Variants in DAB2IP observed in about 807,000 individuals in gnomAD.
DAB2IP encodes the protein DAB2 interacting protein.
Under a neutral mutation model 107.2 loss-of-function variants are expected in DAB2IP, and 28 were observed. That is an observed-to-expected ratio of 0.26 (90% CI 0.19 to 0.36). DAB2IP has a LOEUF of 0.36. Ranked by LOEUF, DAB2IP falls within the 10% of genes least tolerant of loss-of-function variation. The probability of loss-of-function intolerance (pLI) is 1.00; values close to 1 mark genes in which losing one functional copy is unlikely to be tolerated. For missense variants in DAB2IP, 1,400 were observed against 1,644.7 expected (o/e 0.85, Z 2.57); for synonymous variants, 755 against 706.4 (o/e 1.07, Z -1.09).
At chr9:121,670,217 A>G (rs1191771763) in intron 1 of DAB2IP, among the ~76,000 whole-genome samples, 1 of 152,246 alleles carries the variant, frequency 6.6e-6, no homozygotes, top group Non-Finnish European at 1.5e-5. Context: ...CATAATGCCC[A>G]GGAGATCCAT....
chr9:121,763,217 T>G (rs1486086983), intron 6 of DAB2IP, among the ~76,000 whole-genome samples: 2 of 152,110 alleles, frequency 1.3e-5, no homozygotes, highest in African/African-American at 2.4e-5. Flanking sequence ...TCTGTGGTGG[T>G]GGGGGCTTGT....
At chr9:121,584,936 C>A (rs1173079114) in intron 1 of DAB2IP, among the ~76,000 whole-genome samples, 1 of 152,050 alleles carries the variant, frequency 6.6e-6, no homozygotes, top group African/African-American at 2.4e-5. Flanking sequence ...CTGCATTTCC[C>A]CAGCTGGAGT....
rs1411975765 is a variant in DAB2IP, at chr9:121,625,512, C to T, written c.41-53166C>T. 2.6e-5 allele frequency among the ~76,000 whole-genome samples: 4 copies of T among 152,210 alleles called. No homozygotes were observed. The East Asian group carries it at 7.7e-4, about 29-fold the overall frequency. On this transcript the variant is annotated intron_variant, in intron 1 of 16. Coordinates refer to the DAB2IP transcript ENST00000259371. ...TCGGACCTCAGGTGATCTGCCTGCC[C>T]CGGCCTCCCAGAGTGCTGGGATTAT...
chr9:121,747,364 CT>C (rs1190296666), intron 3 of DAB2IP, among the ~76,000 whole-genome samples: 4 of 142,466 alleles, frequency 2.8e-5, no homozygotes, highest in Non-Finnish European at 5.9e-5. Flanking sequence ...TTTTTTTCCC[CT>C]GAGACAGAGT....
chr9:121,699,297 C>T lies in DAB2IP; in HGVS notation c.229-28C>T. 7.2e-7 allele frequency: 1 copy of T among 1,392,728 alleles called. No homozygotes were observed. The highest frequency in any genetic ancestry group is 1.5e-5 in the South Asian group (1 of 68,664). The allele number at this position is 1,392,728 out of a possible 1,614,324, so 86.3% of individuals were successfully genotyped here. The stretch of plus-strand genomic sequence containing the variant: ...CGCCGCCGCGCTAACCCCGCCTCCC[C>T]TTCCCCCTCTTGTCCCCCCGTGCGC... On this transcript the variant is annotated intron_variant, in intron 2 of 15. Coordinates refer to ENST00000408936, the Ensembl canonical transcript of DAB2IP. This position sits in a 1 kb window ranked among gnomAD's most constrained non-coding sequence, Gnocchi z 6.2.
At chr9:121,601,900 G>C (rs1055255942) in intron 1 of DAB2IP, among the ~76,000 whole-genome samples, 1 of 151,764 alleles carries the variant, frequency 6.6e-6, no homozygotes, top group Admixed American at 6.6e-5. Context: ...GTGTGTGTGT[G>C]TGTGTGCGCG....
At chr9:121,767,952 A>G (rs567678467) in intron 9 of DAB2IP, among the ~76,000 whole-genome samples, 1 of 152,088 alleles carries the variant, frequency 6.6e-6, no homozygotes, top group Non-Finnish European at 1.5e-5. Flanking sequence ...CTGTATGGGT[A>G]GTGGGGTCTC....
intron 3 of DAB2IP, among the ~76,000 whole-genome samples, chr9:121,746,336 CCTGTTTTCCAGATGAGAAAA>C (rs1380606097): frequency 6.6e-6 from 1 of 152,124 alleles, no homozygotes; most frequent in Non-Finnish European, 1.5e-5. Flanking sequence ...TGGTGGTGTC[CCTGTTTTCCAGATGAGAAAA>C]CTGAGGCACA....
chr9:121,773,557 C>G (rs1834938050), intron 12 of DAB2IP, 62 bp downstream of exon 12: 1 of 1,380,922 alleles, frequency 7.2e-7, no homozygotes, highest in Non-Finnish European at 9.4e-7. Flanking sequence ...CTGTCATACC[C>G]CATACCATGC....
At chr9:121,664,792 C>T (rs1208174521) in intron 1 of DAB2IP, among the ~76,000 whole-genome samples, 1 of 152,182 alleles carries the variant, frequency 6.6e-6, no homozygotes, top group Non-Finnish European at 1.5e-5. Context: ...ATATCAGTTC[C>T]CCTTCCCGCT....
At chr9:121,612,739 G>A (rs574724316) in intron 1 of DAB2IP, among the ~76,000 whole-genome samples, 1 of 152,326 alleles carries the variant, frequency 6.6e-6, no homozygotes, top group South Asian at 2.1e-4. Flanking sequence ...GTGTGTGTGT[G>A]TTTGTGTGTT....
At chr9:121,774,792 C>T (rs1459779784) in intron 13 of DAB2IP, among the ~76,000 whole-genome samples, 3 of 152,066 alleles carry the variant, frequency 2.0e-5, no homozygotes, top group African/African-American at 4.8e-5. Flanking sequence ...CCTGAGGGAA[C>T]TTGGTACCTG....
chr9:121,732,117 C>T (rs188539397), intron 3 of DAB2IP, among the ~76,000 whole-genome samples: 50 of 152,246 alleles, frequency 3.3e-4, no homozygotes, highest in African/African-American at 1.1e-3. Context: ...GTCACAGGCT[C>T]ATAAACTGTA....
chr9:121,670,173 A>G (rs1345553464), intron 1 of DAB2IP, among the ~76,000 whole-genome samples: 1 of 152,174 alleles, frequency 6.6e-6, no homozygotes, highest in Non-Finnish European at 1.5e-5. Flanking sequence ...ATCATACACT[A>G]TGTGACCTTT....
At chr9:121,610,762 G>T (rs1831065127) in intron 1 of DAB2IP, among the ~76,000 whole-genome samples, 1 of 152,136 alleles carries the variant, frequency 6.6e-6, no homozygotes, top group Non-Finnish European at 1.5e-5. Context: ...AGGAGAGCAG[G>T]TACAGCGGTA....
At chr9:121,581,982 G>A (rs892657999) in intron 1 of DAB2IP, among the ~76,000 whole-genome samples, 3 of 152,288 alleles carry the variant, frequency 2.0e-5, no homozygotes, top group South Asian at 2.1e-4. Context: ...CCAAGCTGCC[G>A]GCTGGAACAA....
rs1194148772 is a variant in DAB2IP, at chr9:121,684,548, C to T, written c.228+5767C>T. Among the ~76,000 whole-genome samples the T allele has an allele frequency of 6.6e-6, 1 of 152,204 alleles. No homozygotes were observed. The highest frequency in any genetic ancestry group is 6.5e-5 in the Admixed American group (1 of 15,284). ...TTCCCGCTCATCTGCACACTGCCCC[C>T]TCCTGGCCACCAGGCCCCAGCCCCA... is the stretch of plus-strand genomic sequence containing the variant. On this transcript the variant is annotated intron_variant, in intron 2 of 15. Transcript: ENST00000408936. This position sits in a 1 kb window ranked among gnomAD's most constrained non-coding sequence, Gnocchi z 4.0.
chr9:121,778,030 C>CCCAGTCT (rs1333699817), intron 14 of DAB2IP, among the ~76,000 whole-genome samples: 2 of 152,170 alleles, frequency 1.3e-5, no homozygotes, highest in African/African-American at 4.8e-5. Flanking sequence ...GCTGCTATAA[C>CCCAGTCT]AAGGTACCTT....
chr9:121,768,580 G>A (rs1456920853), exon 10 of DAB2IP: 1 of 1,614,084 alleles, frequency 6.2e-7, no homozygotes, highest in Non-Finnish European at 8.5e-7. Flanking sequence ...CCTGGGCCGC[G>A]AGCTCTCCAG....
Sources: gnomAD v4.1 joint callset for allele counts (sites outside exome capture counted in the v4.1 genomes callset) on GRCh38, gnomAD v4.1.1 for gene constraint, Gnocchi (gnomAD v3.1) non-coding constraint, MANE v1.5 for transcripts, NCBI Gene and HGNC (gene_info 2026-07-23, HGNC 2026-07-21) for gene names.